Variants in ACSM4 observed in about 807,000 individuals in gnomAD.
ACSM4 encodes acyl-CoA synthetase medium chain family member 4.
In ACSM4, 66 loss-of-function variants were observed where a neutral mutation model predicts 73.0. The observed-to-expected ratio is 0.90, with a 90% confidence interval of 0.74 to 1.11. The LOEUF is 1.11. Ranked by LOEUF, ACSM4 falls within the 50% of genes least tolerant of loss-of-function variation. The probability of loss-of-function intolerance (pLI) is 0.00; values close to 1 mark genes in which losing one functional copy is unlikely to be tolerated. For synonymous variants in ACSM4, 222 were observed against 254.0 expected (o/e 0.87, Z 1.20); for missense variants, 645 against 714.4 (o/e 0.90, Z 1.11).
rs1946512300 is a variant in ACSM4, at chr12:7,327,054, C to T, written c.1615C>T (p.His539Tyr). The change falls in exon 12 of 13, where the codon CAT becomes TAT. Residue 539 changes from histidine (H) to tyrosine (Y), a missense_variant. His to Tyr is a moderately conservative substitution (Grantham distance 83). Transcript: ENST00000399422. ...GAAATTAACTCTTGAACTTCAGGAT[C>T]ATGTGAAAAAATCAACTGCACCTTA... is the stretch of plus-strand genomic sequence containing the variant. ...PEKLTLELQD[H>Y]VKKSTAPYKY... 6.2e-7 allele frequency: 1 copy of T among 1,611,294 alleles called. No individual in the cohort carries two copies. Among genetic ancestry groups the T allele is most frequent in the African/African-American group, 1.3e-5 (1 of 74,882 alleles).
chr12:7,328,089 A>G (rs914717179), intron 12 of ACSM4, among the ~76,000 whole-genome samples, 198 bp from the exon 13 acceptor site: 2 of 152,202 alleles, frequency 1.3e-5, no homozygotes, highest in Non-Finnish European at 2.9e-5. Flanking sequence ...TTTGCACTAA[A>G]AACCCGTAAG....
chr12:7,327,790 T>C (rs1002811367), intron 12 of ACSM4, among the ~76,000 whole-genome samples: 2 of 152,188 alleles, frequency 1.3e-5, no homozygotes, highest in Non-Finnish European at 1.5e-5. Flanking sequence ...AAAGGCTATC[T>C]GAGGGCATTT....
chr12:7,327,190 A>T, intron 12 of ACSM4, 95 bp downstream of exon 12: 1 of 1,364,746 alleles, frequency 7.3e-7, no homozygotes, highest in South Asian at 1.5e-5. Context: ...ATAGTAGCTC[A>T]TTATATAGGT....
At chr12:7,311,032 G>A (rs1946387744) in intron 3 of ACSM4, among the ~76,000 whole-genome samples, 1 of 152,020 alleles carries the variant, frequency 6.6e-6, no homozygotes, top group Non-Finnish European at 1.5e-5. Flanking sequence ...TGGGCGTGGT[G>A]ATGCCTGCCT....
intron 10 of ACSM4, 43 bp from the exon 11 acceptor site, chr12:7,324,456 A>G (rs1286196053): frequency 8.1e-6 from 13 of 1,613,800 alleles, no homozygotes; most frequent in Non-Finnish European, 1.1e-5. Context: ...GGAGATCTCT[A>G]ACTTGGAGGA....
At chr12:7,318,315 C>A in intron 5 of ACSM4, 133 bp downstream of exon 5, 2 of 1,130,196 alleles carry the variant, frequency 1.8e-6, no homozygotes, top group Non-Finnish European at 1.2e-6. Context: ...AAAGCAAAGT[C>A]TCAAGGGCCT....
chr12:7,306,182 C>T (rs993971498), intron 1 of ACSM4, among the ~76,000 whole-genome samples: 4 of 152,340 alleles, frequency 2.6e-5, no homozygotes, highest in Admixed American at 1.3e-4. Flanking sequence ...ATCAGGACAG[C>T]TCTCTGAGCA....
At chr12:7,314,129 G>T (rs1171923933) in intron 3 of ACSM4, among the ~76,000 whole-genome samples, 1 of 152,154 alleles carries the variant, frequency 6.6e-6, no homozygotes, top group African/African-American at 2.4e-5. Flanking sequence ...GCAGGACTTG[G>T]AGAGTATTGG....
chr12:7,320,802 G>A lies in ACSM4; in HGVS notation c.999G>A (p.Lys333=). ...GGATGCTCGTGCAAAAAGACCTTAAGAGGTACTTGGGCAGAAATCTCCATT... is the reference window on the plus strand; with the variant it reads ...GGATGCTCGTGCAAAAAGACCTTAAAAGGTACTTGGGCAGAAATCTCCATT... ...VYRMLVQKDL[K]RYKFKSLRHC... is the part of the protein sequence containing the mutation. Residue 333 remains lysine, a splice_region_variant and synonymous_variant, in exon 6 of 13, where the codon AAG becomes AAA. Coordinates refer to ENST00000399422, the MANE Select transcript of ACSM4 (RefSeq NM_001080454.2). 1 of 1,611,138 alleles carries A rather than the reference G, an allele frequency of 6.2e-7. No homozygotes were observed. The highest frequency in any genetic ancestry group is 1.1e-5 in the South Asian group (1 of 90,954).
rs368231111 is a variant in ACSM4 at position 7,324,367 on chromosome 12, T to A, written c.1403T>A (p.Val468Asp). The change falls in exon 10 of 13, where the codon GTC becomes GAC. Residue 468 changes from valine (V) to aspartate (D), a missense_variant. Physicochemically the swap from Val to Asp is radical, Grantham distance 152. Coordinates refer to ENST00000399422, the MANE Select transcript of ACSM4 (RefSeq NM_001080454.2). Reference sequence around the variant, plus strand: ...GACAGTGATGGGTATTTCTGGTTTGTCGGCAGAGCTGATGATGTCATTATA... The same window carrying A: ...GACAGTGATGGGTATTTCTGGTTTGACGGCAGAGCTGATGATGTCATTATA... ...VMDSDGYFWFVGRADDVIISS... is the reference protein window; with the variant it reads ...VMDSDGYFWFDGRADDVIISS... 73 of 1,614,014 alleles carry A rather than the reference T, an allele frequency of 4.5e-5. No homozygotes were observed. The highest frequency in any genetic ancestry group is 5.8e-5 in the Non-Finnish European group (68 of 1,180,002).
At position 7,324,381 on chromosome 12, in the gene ACSM4, G is replaced by T. The variant is rs748592689; in HGVS notation, c.1417G>T (p.Asp473Tyr). ...TTTCTGGTTTGTCGGCAGAGCTGAT[G>T]ATGTCATTATATCCTCTGGGTTTGT... Reference protein sequence around the residue: ...GYFWFVGRADDVIISSGYRIG... With the variant: ...GYFWFVGRADYVIISSGYRIG... The change falls in exon 10 of 13, where the codon GAT becomes TAT. Residue 473 changes from aspartate (D) to tyrosine (Y), a missense_variant. By Grantham distance (160) the Asp-to-Tyr change is radical (BLOSUM62 -3). Transcript: ENST00000399422. The T allele has an allele frequency of 7.4e-6, 12 of 1,614,092 alleles. No homozygotes were observed. The highest frequency in any genetic ancestry group is 9.3e-6 in the Non-Finnish European group (11 of 1,179,992).
At position 7,320,785 on chromosome 12, in the gene ACSM4, G is replaced by A. The variant is rs752916520; in HGVS notation, c.982G>A (p.Val328Met). ...CSPPTVYRML[V>M]QKDLKRYKFK... is the part of the protein sequence containing the mutation. The stretch of plus-strand genomic sequence containing the variant: ...TCCTCCCACTGTGTACCGGATGCTC[G>A]TGCAAAAAGACCTTAAGAGGTACTT... Residue 328 changes from valine (V) to methionine (M), a missense_variant, in exon 6 of 13, where the codon GTG becomes ATG. Physicochemically the swap from Val to Met is conservative, Grantham distance 21. Coordinates refer to ENST00000399422, the MANE Select transcript of ACSM4 (RefSeq NM_001080454.2). 2.5e-5 allele frequency: 40 copies of A among 1,613,328 alleles called. No homozygotes were observed. In the South Asian group the frequency reaches 3.3e-4, roughly 13 times the overall value.
At chr12:7,311,539 C>T (rs925169052) in intron 3 of ACSM4, among the ~76,000 whole-genome samples, 2 of 152,216 alleles carry the variant, frequency 1.3e-5, no homozygotes, top group African/African-American at 4.8e-5. Context: ...ATTACAACGT[C>T]CTCCTGTTTT....
chr12:7,313,073 C>T (rs1946400295), intron 3 of ACSM4, among the ~76,000 whole-genome samples: 1 of 152,078 alleles, frequency 6.6e-6, no homozygotes, highest in East Asian at 1.9e-4. Context: ...GTCTAAAAAA[C>T]AAAAAACATG....
chr12:7,322,270 G>C, intron 6 of ACSM4, 148 bp from the exon 7 acceptor site: 1 of 1,070,456 alleles, frequency 9.3e-7, no homozygotes. Flanking sequence ...TGGCAATATA[G>C]CAGGTGTTCA....
rs368855541 is a variant in ACSM4 at position 7,324,874 on chromosome 12, A to T, written c.1536+276A>T. On this transcript the variant is annotated intron_variant, in intron 11 of 12. Transcript: ENST00000399422. ...CATTTGGCTCATATAAGTGACAAGT[A>T]CTTAAGTACAGCCACATCCAAAGGT... Among the ~76,000 whole-genome samples the T allele has an allele frequency of 2.2e-3, 335 of 151,876 alleles. 2 individuals are homozygous for T. The highest frequency in any genetic ancestry group is 7.5e-3 in the African/African-American group (312 of 41,450).
chr12:7,323,077 C>T (rs188940222), intron 7 of ACSM4, among the ~76,000 whole-genome samples, 157 bp from the exon 8 acceptor site: 6 of 152,250 alleles, frequency 3.9e-5, no homozygotes, highest in Admixed American at 2.6e-4. Flanking sequence ...TACTGCACAC[C>T]GAAGTTTGAG....
intron 3 of ACSM4, among the ~76,000 whole-genome samples, chr12:7,311,441 G>C (rs1946389706): frequency 6.6e-6 from 1 of 151,884 alleles, no homozygotes. Flanking sequence ...TTCACGAGTG[G>C]CTCCTTCTTG....
chr12:7,307,916 T>C (rs1289696587), intron 2 of ACSM4, among the ~76,000 whole-genome samples: 1 of 152,182 alleles, frequency 6.6e-6, no homozygotes, highest in East Asian at 1.9e-4. Context: ...CAATTAAGAA[T>C]AAATAATATC....
Sources: gnomAD v4.1 joint callset for allele counts (sites outside exome capture counted in the v4.1 genomes callset) on GRCh38, gnomAD v4.1.1 for gene constraint, MANE v1.5 for transcripts, NCBI Gene and HGNC (gene_info 2026-07-23, HGNC 2026-07-21) for gene names.